Variants in YEATS4 observed in about 807,000 individuals in gnomAD.
YEATS4 encodes YEATS domain-containing protein 4.
A neutral mutation model predicts 30.1 loss-of-function variants in YEATS4; 17 were observed. The observed-to-expected ratio is 0.56, with a 90% CI of 0.39 to 0.85. YEATS4 has a LOEUF of 0.85. YEATS4 is among the 40% of genes least tolerant of loss of function. The pLI is 0.00. For missense variants in YEATS4, 142 were observed against 268.3 expected, an observed-to-expected ratio of 0.53 and a Z score of 3.29; for synonymous variants, 85 against 87.5, an observed-to-expected ratio of 0.97 and a Z score of 0.16.
At chr12:69,369,995 A>G (rs534656408) in intron 4 of YEATS4, among the ~76,000 whole-genome samples, 6 of 152,270 alleles carry the variant, frequency 3.9e-5, no homozygotes, top group African/African-American at 1.4e-4. Context: ...TCCCTATTTC[A>G]TGACTTTTTT....
chr12:69,382,978 G>A (rs1331663824), intron 6 of YEATS4, among the ~76,000 whole-genome samples: 2 of 152,144 alleles, frequency 1.3e-5, no homozygotes, highest in African/African-American at 4.8e-5. Context: ...CAGCTTTGGC[G>A]GCCAGGTGTG....
intron 6 of YEATS4, among the ~76,000 whole-genome samples, chr12:69,384,476 C>T (rs1876199144): frequency 6.6e-6 from 1 of 152,028 alleles, no homozygotes; most frequent in African/African-American, 2.4e-5. Context: ...CTTAACAGTA[C>T]CAAATCAATA....
chr12:69,373,941 G>A (rs746809330), intron 6 of YEATS4, among the ~76,000 whole-genome samples: 1 of 152,122 alleles, frequency 6.6e-6, no homozygotes, highest in Non-Finnish European at 1.5e-5. Flanking sequence ...CCCTGTAAGT[G>A]TGTGGATTTG....
chr12:69,392,574 G>T (rs1868324194), downstream of YEATS4, among the ~76,000 whole-genome samples: 1 of 152,152 alleles, frequency 6.6e-6, no homozygotes. Context: ...ATTTCCCAAG[G>T]GATAATTTCT....
intron 6 of YEATS4, among the ~76,000 whole-genome samples, chr12:69,376,719 A>G (rs1875888392): frequency 6.6e-6 from 1 of 152,376 alleles, no homozygotes; most frequent in East Asian, 1.9e-4. Flanking sequence ...CTGGCCTCAT[A>G]GAATGAGTTT....
the YEATS4 span, among the ~76,000 whole-genome samples, chr12:69,396,692 A>G: frequency 6.8e-6 from 1 of 146,290 alleles, no homozygotes; most frequent in Non-Finnish European, 1.5e-5. Context: ...TGGTTTAATT[A>G]CATTCATGAA....
In YEATS4 at chr12:69,374,612, C is replaced by T. The variant is rs558533753; in HGVS notation, c.514+3637C>T. Among the ~76,000 whole-genome samples the T allele has an allele frequency of 2.0e-5, 3 of 152,012 alleles. No individual in the cohort carries two copies. In the South Asian group the frequency reaches 6.3e-4, roughly 32 times the overall value. On this transcript the variant is annotated intron_variant, in intron 6 of 6. Coordinates refer to ENST00000247843, the MANE Select transcript of YEATS4 (RefSeq NM_006530.4). ...TTGAGATTAGGGAGTATGCTGCCTTCAAGCATCTGTTTAACAAAGCACATC... is the reference window on the plus strand; with the variant it reads ...TTGAGATTAGGGAGTATGCTGCCTTTAAGCATCTGTTTAACAAAGCACATC...
At chr12:69,422,842 C>T in the YEATS4 span, 1 of 152,134 alleles carries the variant, frequency 6.6e-6, no homozygotes, top group African/African-American at 2.4e-5. Context: ...ACCTGTGCTT[C>T]CCAGCTGTAT....
chr12:69,419,641 T>C, the YEATS4 span, among the ~76,000 whole-genome samples: 1 of 152,086 alleles, frequency 6.6e-6, no homozygotes, highest in Non-Finnish European at 1.5e-5. Context: ...TTATAGAAGG[T>C]TTTTATAAAT....
At position 69,370,624 on chromosome 12, in the gene YEATS4, C is replaced by A. The variant is rs966830532; in HGVS notation, c.334-82C>A. 24 of 1,131,870 alleles carry A rather than the reference C, an allele frequency of 2.1e-5. No individual in the cohort carries two copies. In the Admixed American group the frequency reaches 2.1e-4, roughly 10 times the overall value. 70.1% of individuals were successfully genotyped at this position (1,131,870 alleles called of 1,614,324 possible). The stretch of plus-strand genomic sequence containing the variant: ...TTGACATGTATATACTTATTCCAGT[C>A]TCTATTTCAGTTAAAAAAATGCCAG... On this transcript the variant is annotated intron_variant, in intron 4 of 6. Transcript: ENST00000247843.
At chr12:69,362,996 T>G in intron 2 of YEATS4, 89 bp downstream of exon 2, 2 of 1,252,788 alleles carry the variant, frequency 1.6e-6, no homozygotes, top group Non-Finnish European at 2.1e-6. Context: ...TTTTTTTTTT[T>G]TTTTTTTTTT....
downstream of YEATS4, among the ~76,000 whole-genome samples, chr12:69,393,157 A>G (rs529882765): frequency 2.0e-5 from 3 of 152,326 alleles, no homozygotes; most frequent in East Asian, 3.9e-4. Flanking sequence ...GATCAAAACC[A>G]AAGAAAATGA....
the YEATS4 span, among the ~76,000 whole-genome samples, chr12:69,414,024 A>G: frequency 0.079 from 12,005 of 152,104 alleles, 487 homozygotes; most frequent in East Asian, 0.098. Context: ...CTGCTCTCCC[A>G]TTTGTAGATA....
chr12:69,374,196 G>A (rs1232751918), intron 6 of YEATS4, among the ~76,000 whole-genome samples: 1 of 151,434 alleles, frequency 6.6e-6, no homozygotes, highest in African/African-American at 2.4e-5. Flanking sequence ...AGGGATTGCA[G>A]TGAATCTGTA....
intron 4 of YEATS4, among the ~76,000 whole-genome samples, chr12:69,366,335 C>T (rs1232873838): frequency 1.3e-5 from 2 of 151,832 alleles, no homozygotes; most frequent in African/African-American, 4.8e-5. Flanking sequence ...TAGCCACTGG[C>T]TTTTTCATCT....
chr12:69,402,759 T>TC, the YEATS4 span, among the ~76,000 whole-genome samples: 1 of 149,576 alleles, frequency 6.7e-6, no homozygotes, highest in African/African-American at 2.5e-5. Flanking sequence ...GGAGTCTTGC[T>TC]TTGTCACCCA....
the YEATS4 span, among the ~76,000 whole-genome samples, chr12:69,404,475 G>A: frequency 6.6e-6 from 1 of 152,088 alleles, no homozygotes; most frequent in South Asian, 2.1e-4. Context: ...TGTGGGAGTG[G>A]ACTCCTGATG....
intron 6 of YEATS4, among the ~76,000 whole-genome samples, chr12:69,372,033 C>G (rs1035988440): frequency 2.6e-5 from 4 of 152,040 alleles, no homozygotes; most frequent in African/African-American, 9.7e-5. Context: ...GTAGAGTGAA[C>G]AAGAGGACGA....
chr12:69,387,268 C>T (rs556393268), intron 6 of YEATS4, among the ~76,000 whole-genome samples: 8 of 152,196 alleles, frequency 5.3e-5, no homozygotes, highest in Middle Eastern at 3.4e-3. Context: ...AAGATGAATG[C>T]GAATTACAGA....
Sources: gnomAD v4.1 joint callset for allele counts (sites outside exome capture counted in the v4.1 genomes callset) on GRCh38, gnomAD v4.1.1 for gene constraint, MANE v1.5 for transcripts, NCBI Gene and HGNC (gene_info 2026-07-23, HGNC 2026-07-21) for gene names.